Variants in TUBGCP5 observed in about 807,000 individuals in gnomAD.
TUBGCP5 encodes gamma-tubulin complex component 5.
A neutral mutation model predicts 134.7 loss-of-function variants in TUBGCP5; 98 were observed. The ratio of observed to expected loss-of-function variants is 0.73; its 90% confidence interval spans 0.62 to 0.86. The LOEUF is 0.86. Ranked by LOEUF, TUBGCP5 falls within the 40% of genes least tolerant of loss-of-function variation. The pLI is 0.00. For missense variants in TUBGCP5, 1,150 were observed against 1,244.8 expected, an observed-to-expected ratio of 0.92 and a Z score of 1.15; for synonymous variants, 456 against 431.4, an observed-to-expected ratio of 1.06 and a Z score of -0.71.
chr15:23,038,041 G>T (rs2066698699), intron 1 of TUBGCP5, among the ~76,000 whole-genome samples: 1 of 152,206 alleles, frequency 6.6e-6, no homozygotes, highest in Admixed American at 6.5e-5. Flanking sequence ...TGGGATTACA[G>T]GCGTGAGCCA....
chr15:23,026,055 A>G, intron 8 of TUBGCP5, 61 bp downstream of exon 8: 1 of 1,391,968 alleles, frequency 7.2e-7, no homozygotes, highest in Non-Finnish European at 9.9e-7. Flanking sequence ...CTTTAATAAA[A>G]GTTTTTGCTT....
chr15:22,989,497 A>G (rs575419974), intron 23 of TUBGCP5, among the ~76,000 whole-genome samples: 65 of 152,178 alleles, frequency 4.3e-4, no homozygotes, highest in Admixed American at 8.5e-4. Flanking sequence ...GCACCCATAC[A>G]TATCCCCTTA....
In TUBGCP5 at chr15:23,006,160, C is replaced by CATA; in HGVS notation, c.2424_2425insTAT (p.Pro808_Val809insTyr). The CATA allele has an allele frequency of 1.9e-6, 3 of 1,609,362 alleles. No homozygotes were observed. The highest frequency in any genetic ancestry group is 2.5e-6 in the Non-Finnish European group (3 of 1,179,080). On this transcript the variant is annotated inframe_insertion, in exon 18 of 23. Coordinates refer to ENST00000615383, the MANE Select transcript of TUBGCP5 (RefSeq NM_052903.6). ...CATTCCAAACTTATAACAATGTCCA[C>CATA]GGGCCATGGGACCTATGAAACAAAA...
rs781579770 is a variant in TUBGCP5 at position 23,021,916 on chromosome 15, G to A, written c.1371+43C>T. 3.2e-6 allele frequency: 5 copies of A among 1,570,892 alleles called. No individual in the cohort carries two copies. In the East Asian group the frequency reaches 9.0e-5, roughly 28 times the overall value. On this transcript the variant is annotated intron_variant, in intron 11 of 22. Transcript: ENST00000615383. Reference sequence around the variant, plus strand: ...ATCAGCTGTCTATCACTCCTCTGCTGTGCAGCATGGAGTCACACACTTTAG... The same window carrying A: ...ATCAGCTGTCTATCACTCCTCTGCTATGCAGCATGGAGTCACACACTTTAG...
intron 3 of TUBGCP5, among the ~76,000 whole-genome samples, chr15:23,033,559 G>A (rs1173143669): frequency 6.6e-6 from 1 of 152,124 alleles, no homozygotes; most frequent in Non-Finnish European, 1.5e-5. Flanking sequence ...TTACAGGCAT[G>A]GGCCACCACA....
chr15:23,026,323 A>T, intron 7 of TUBGCP5, 118 bp from the exon 8 acceptor site: 1 of 820,118 alleles, frequency 1.2e-6, no homozygotes. Context: ...ACAAGTATAC[A>T]TAATAAATGG....
At position 23,011,476 on chromosome 15, in the gene TUBGCP5, T is replaced by C. The variant is rs959948958; in HGVS notation, c.1757-145A>G. Reference sequence around the variant, plus strand: ...ATAAATATTAAATATATGTAAATATTAAATATATATATTTATATATAGTAA... The same window carrying C: ...ATAAATATTAAATATATGTAAATATCAAATATATATATTTATATATAGTAA... On this transcript the variant is annotated intron_variant, in intron 13 of 22. Transcript: ENST00000615383. The C allele has an allele frequency of 4.9e-4, 122 of 247,010 alleles. 3 individuals are homozygous for C. The highest frequency in any genetic ancestry group is 1.2e-4 in the Non-Finnish European group (16 of 133,732). The allele number at this position is 247,010 out of a possible 1,614,324, so 15.3% of individuals were successfully genotyped here.
At chr15:23,000,710 G>A (rs1440324399) in intron 21 of TUBGCP5, 41 bp from the exon 22 acceptor site, 3 of 1,463,746 alleles carry the variant, frequency 2.0e-6, no homozygotes, top group Non-Finnish European at 9.4e-7. Flanking sequence ...AGTGCATTGC[G>A]GGTATATAGG....
chr15:23,037,254 C>T, intron 1 of TUBGCP5, 102 bp from the exon 2 acceptor site: 1 of 1,101,312 alleles, frequency 9.1e-7, no homozygotes, highest in Non-Finnish European at 1.3e-6. Context: ...TACTCAGCTA[C>T]ACATTTCCAG....
At chr15:23,007,513 C>G (rs1489384541) in intron 16 of TUBGCP5, among the ~76,000 whole-genome samples, 1 of 152,178 alleles carries the variant, frequency 6.6e-6, no homozygotes, top group African/African-American at 2.4e-5. Context: ...GAAAGCCAAT[C>G]TCTCTTCCCT....
At chr15:23,021,320 A>G (rs965422071) in intron 11 of TUBGCP5, among the ~76,000 whole-genome samples, 5 of 152,066 alleles carry the variant, frequency 3.3e-5, no homozygotes, top group Non-Finnish European at 5.9e-5. Context: ...CATAAAATTT[A>G]TCTTAACTGT....
chr15:23,021,825 G>C, intron 11 of TUBGCP5, 134 bp downstream of exon 11: 1 of 951,684 alleles, frequency 1.1e-6, no homozygotes, highest in Non-Finnish European at 1.6e-6. Flanking sequence ...CCTTAAATTT[G>C]GAAGTTAATT....
chr15:23,024,902 AT>A (rs372317024), intron 8 of TUBGCP5, 72 bp from the exon 9 acceptor site: 162,841 of 689,892 alleles, frequency 0.24, 397 homozygotes, highest in South Asian at 0.3. Flanking sequence ...TGCCCAGGAC[AT>A]TTTTTTTTTT....
chr15:23,016,351 G>A (rs562304038), intron 13 of TUBGCP5, among the ~76,000 whole-genome samples: 7 of 152,172 alleles, frequency 4.6e-5, no homozygotes, highest in East Asian at 1.9e-4. Flanking sequence ...AAAATCAGCC[G>A]GGTGTGGTGG....
At chr15:23,038,584 G>A (rs2066728796) in intron 1 of TUBGCP5, among the ~76,000 whole-genome samples, 1 of 152,162 alleles carries the variant, frequency 6.6e-6, no homozygotes, top group African/African-American at 2.4e-5. Flanking sequence ...TTATGGCTAT[G>A]ATCATTAAGG....
downstream of TUBGCP5, among the ~76,000 whole-genome samples, chr15:22,995,037 A>G (rs1176088032): frequency 6.6e-6 from 1 of 152,166 alleles, no homozygotes; most frequent in Non-Finnish European, 1.5e-5. Context: ...CGAGGTCGGG[A>G]GTTCAAGAAC....
chr15:23,000,196 C>A, intron 22 of TUBGCP5: 1 of 1,052,112 alleles, frequency 9.5e-7, no homozygotes, highest in East Asian at 4.0e-5. Context: ...CATGAGCCAC[C>A]GCGCCAGGCC....
At chr15:23,008,033 G>T (rs2064826927) in intron 16 of TUBGCP5, among the ~76,000 whole-genome samples, 1 of 152,158 alleles carries the variant, frequency 6.6e-6, no homozygotes, top group Non-Finnish European at 1.5e-5. Context: ...CCATGTGAAG[G>T]AGGCCATCAG....
intron 3 of TUBGCP5, among the ~76,000 whole-genome samples, chr15:23,035,117 C>G (rs1595911684): frequency 6.6e-6 from 1 of 151,964 alleles, no homozygotes; most frequent in East Asian, 1.9e-4. Context: ...TGCTTGAGGT[C>G]AAGAGTTCGG....
Sources: allele counts gnomAD v4.1 joint callset (sites outside exome capture counted in the v4.1 genomes callset), GRCh38; gene constraint gnomAD v4.1.1; transcripts MANE v1.5; gene names NCBI Gene and HGNC (gene_info 2026-07-23, HGNC 2026-07-21).